Variants in CENPA observed in about 807,000 individuals in gnomAD.
CENPA encodes centromere protein A.
A neutral mutation model predicts 17.2 loss-of-function variants in CENPA; 7 were observed. That is an observed-to-expected ratio of 0.41 (90% CI 0.23 to 0.76). CENPA has a LOEUF of 0.76. CENPA is among the 30% of genes least tolerant of loss of function. The pLI is 0.34. For synonymous variants in CENPA, 82 were observed against 77.4 expected (o/e 1.06, Z -0.31); for missense variants, 149 against 193.1 (o/e 0.77, Z 1.35).
intron 1 of CENPA, among the ~76,000 whole-genome samples, chr2:26,788,803 G>A (rs1664562773): frequency 6.6e-6 from 1 of 152,136 alleles, no homozygotes; most frequent in Non-Finnish European, 1.5e-5. Flanking sequence ...AGCCTCCCGA[G>A]TAGCTAGGAT....
chr2:26,789,785 C>G (rs1664582467), intron 1 of CENPA, among the ~76,000 whole-genome samples: 1 of 152,016 alleles, frequency 6.6e-6, no homozygotes. Flanking sequence ...CCATTTTCAC[C>G]ATCTCTGCTC....
rs960134089 is a variant in CENPA, at chr2:26,793,884, T to A, written c.*120T>A. 6.6e-6 allele frequency: 1 copy of A among 152,458 alleles called. No individual in the cohort carries two copies. The highest frequency in any genetic ancestry group is 1.5e-5 in the Non-Finnish European group (1 of 68,116). The allele number at this position is 152,458 out of a possible 1,614,324, so 9.4% of individuals were successfully genotyped here. A position where few individuals can be genotyped will look rare whatever the true frequency, so the allele number is the denominator to read the frequency against. ...CTGCGATGCTGTCTGGACTTTGCTGTCTCTGAACAGTATGTGTGTGTTGCT... is the reference window on the plus strand; with the variant it reads ...CTGCGATGCTGTCTGGACTTTGCTGACTCTGAACAGTATGTGTGTGTTGCT... On this transcript the variant is annotated 3_prime_UTR_variant, in exon 5 of 5. Transcript: ENST00000335756.
Position 26,794,471 on chromosome 2 carries a change from A to G in CENPA, c.*707A>G, listed in dbSNP as rs908321026. 3.3e-5 allele frequency: 5 copies of G among 152,252 alleles called. No individual in the cohort carries two copies. Among genetic ancestry groups the G allele is most frequent in the Admixed American group, 3.3e-4 (5 of 15,284 alleles). 9.4% of individuals were successfully genotyped at this position (152,252 alleles called of 1,614,324 possible). On this transcript the variant is annotated 3_prime_UTR_variant, in exon 5 of 5. Coordinates refer to ENST00000335756, the MANE Select transcript of CENPA (RefSeq NM_001809.4). ...GGAGAATTTAACATTTTACTCTTGT[A>G]AATCATAGAAGATGTATCATAACAG... is the stretch of plus-strand genomic sequence containing the variant.
intron 3 of CENPA, 125 bp from the exon 4 acceptor site, chr2:26,793,020 G>T (rs1664648884): frequency 2.1e-6 from 3 of 1,396,460 alleles, no homozygotes; most frequent in Non-Finnish European, 3.0e-6. Context: ...GCAAAGTTCA[G>T]TCTCATTCTG....
At chr2:26,788,572 T>C (rs1664556893) in intron 1 of CENPA, among the ~76,000 whole-genome samples, 1 of 152,218 alleles carries the variant, frequency 6.6e-6, no homozygotes, top group South Asian at 2.1e-4. Context: ...ATATCCTTCT[T>C]TCACCTACAG....
chr2:26,790,226 G>A (rs1664590713), intron 1 of CENPA, among the ~76,000 whole-genome samples: 1 of 151,954 alleles, frequency 6.6e-6, no homozygotes, highest in Admixed American at 6.6e-5. Flanking sequence ...TTCTTTCATG[G>A]TATTGGCCTT....
intron 1 of CENPA, 46 bp from the exon 2 acceptor site, chr2:26,792,085 C>A: frequency 6.5e-7 from 1 of 1,533,852 alleles, no homozygotes; most frequent in Non-Finnish European, 9.0e-7. Flanking sequence ...AGCCAAGCTG[C>A]GAGGCACCAC....
At chr2:26,793,351 C>G (rs1664655260) in intron 4 of CENPA, 25 bp downstream of exon 4, 1 of 1,563,474 alleles carries the variant, frequency 6.4e-7, no homozygotes, top group South Asian at 1.2e-5. Flanking sequence ...TTTCACAGGA[C>G]TGGGGCTGGA....
intron 1 of CENPA, among the ~76,000 whole-genome samples, chr2:26,788,658 A>T (rs1664558508): frequency 6.6e-6 from 1 of 151,274 alleles, no homozygotes; most frequent in African/African-American, 2.5e-5. Context: ...AGTATTTATG[A>T]TGTTTTGTTT....
intron 1 of CENPA, among the ~76,000 whole-genome samples, 164 bp from the exon 2 acceptor site, chr2:26,791,967 A>G (rs914494853): frequency 1.1e-4 from 16 of 152,260 alleles, no homozygotes; most frequent in Admixed American, 1.0e-3. Context: ...GGTTTTTGCC[A>G]TAACTGCAAT....
In CENPA at chr2:26,793,222, C is replaced by A; in HGVS notation, c.366C>A (p.Phe122Leu). 1.9e-6 allele frequency: 3 copies of A among 1,614,182 alleles called. No individual in the cohort carries two copies. Among genetic ancestry groups the A allele is most frequent in the Non-Finnish European group, 2.5e-6 (3 of 1,180,040 alleles). ...TACATGCAGGCCGAGTTACTCTCTT[C>A]CCAAAGGATGTGCAACTGGCCCGGA... ...LTLHAGRVTLFPKDVQLARRI... is the reference protein window; with the variant it reads ...LTLHAGRVTLLPKDVQLARRI... The change falls in exon 4 of 5, where the codon TTC (phenylalanine) becomes TTA (leucine). Residue 122 changes from phenylalanine (F) to leucine (L), a missense_variant. Phe to Leu is a conservative substitution (Grantham distance 22). This residue lies in a region of CENPA where 54 missense variants were observed against 105.7 expected (regional missense o/e 0.51). Coordinates refer to ENST00000335756, the MANE Select transcript of CENPA (RefSeq NM_001809.4).
chr2:26,791,700 T>A (rs1241267050), intron 1 of CENPA, among the ~76,000 whole-genome samples: 1 of 152,176 alleles, frequency 6.6e-6, no homozygotes, highest in Non-Finnish European at 1.5e-5. Context: ...CCAAAATAAC[T>A]GAGCTTCCAA....
rs1664678793 is a variant in CENPA, at chr2:26,794,483, A to G, written c.*719A>G. The G allele has an allele frequency of 1.3e-5, 2 of 152,244 alleles. No individual in the cohort carries two copies. Among genetic ancestry groups the G allele is most frequent in the Non-Finnish European group, 2.9e-5 (2 of 68,046 alleles). 9.4% of individuals were successfully genotyped at this position (152,244 alleles called of 1,614,324 possible). On this transcript the variant is annotated 3_prime_UTR_variant, in exon 5 of 5. Transcript: ENST00000335756. ...ATTTTACTCTTGTAAATCATAGAAG[A>G]TGTATCATAACAGTTCAGAATTTTA...
intron 1 of CENPA, among the ~76,000 whole-genome samples, chr2:26,790,453 A>G (rs1012471999): frequency 1.3e-5 from 2 of 152,044 alleles, no homozygotes; most frequent in Admixed American, 6.5e-5. Flanking sequence ...CAGCCTCCCA[A>G]GTAGCTGGGA....
chr2:26,788,903 A>G lies in CENPA; in HGVS notation c.100+2607A>G, dbSNP rs144329991. ...TTGGTCAGGCTGGTCTCCAACTGCC[A>G]ACCTCAAGTGATCCGCCCACCTTGG... On this transcript the variant is annotated intron_variant, in intron 1 of 4. Transcript: ENST00000335756. 6.1e-3 allele frequency among the ~76,000 whole-genome samples: 922 copies of G among 152,172 alleles called. 8 individuals are homozygous for G. The highest frequency in any genetic ancestry group is 0.021 in the African/African-American group (884 of 41,522).
intron 2 of CENPA, chr2:26,792,481 T>C: frequency 1.4e-6 from 1 of 712,274 alleles, no homozygotes; most frequent in East Asian, 2.7e-5. Context: ...AAATAGGAAC[T>C]CTCTCGTTTG....
intron 1 of CENPA, among the ~76,000 whole-genome samples, chr2:26,787,538 T>C (rs1448162552): frequency 2.0e-5 from 3 of 151,510 alleles, no homozygotes; most frequent in Non-Finnish European, 2.9e-5. Flanking sequence ...TTTGTTGTTT[T>C]TTTTTTGAGA....
rs889066533 is a variant in CENPA at position 26,794,269 on chromosome 2, C to G, written c.*505C>G. On this transcript the variant is annotated 3_prime_UTR_variant, in exon 5 of 5. Coordinates refer to ENST00000335756, the MANE Select transcript of CENPA (RefSeq NM_001809.4). ...GGCATTTCCATCATATAGACCTCTG[C>G]CCTTCAGAGTAGCCTCACCATTAGT... is the stretch of plus-strand genomic sequence containing the variant. The G allele has an allele frequency of 1.3e-5, 2 of 152,242 alleles. No homozygotes were observed. The highest frequency in any genetic ancestry group is 4.8e-5 in the African/African-American group (2 of 41,466). The allele number at this position is 152,242 out of a possible 1,614,324, so 9.4% of individuals were successfully genotyped here.
At chr2:26,792,595 C>A in intron 2 of CENPA, 161 bp from the exon 3 acceptor site, 1 of 739,512 alleles carries the variant, frequency 1.4e-6, no homozygotes, top group Non-Finnish European at 2.5e-6. Flanking sequence ...CCTAAGCTCC[C>A]AGGAGTCAAC....
Sources: allele counts gnomAD v4.1 joint callset (sites outside exome capture counted in the v4.1 genomes callset), GRCh38; gene constraint gnomAD v4.1.1; regional missense constraint gnomAD v4.1.1; transcripts MANE v1.5; gene names NCBI Gene and HGNC (gene_info 2026-07-23, HGNC 2026-07-21).